NUP37: variants seen among roughly 807,000 people sequenced by gnomAD.
NUP37 encodes the protein nucleoporin Nup37.
Under a neutral mutation model 45.4 loss-of-function variants are expected in NUP37, and 33 were observed. The observed-to-expected ratio is 0.73, with a 90% CI of 0.55 to 0.97. NUP37 has a LOEUF of 0.97. Ranked by LOEUF, NUP37 falls within the 50% of genes least tolerant of loss-of-function variation. The pLI is 0.00. For missense variants in NUP37, 365 were observed against 389.7 expected (o/e 0.94, Z 0.53); for synonymous variants, 127 against 130.7 (o/e 0.97, Z 0.19).
intron 1 of NUP37, 58 bp from the exon 2 acceptor site, chr12:102,118,641 T>C (rs1273793061): frequency 7.6e-6 from 6 of 787,916 alleles, no homozygotes; most frequent in Admixed American, 3.1e-5. Flanking sequence ...ATTCAGCAAA[T>C]GCATCAAAAT....
At chr12:102,079,858 G>A (rs1262482712) in intron 6 of NUP37, among the ~76,000 whole-genome samples, 1 of 152,166 alleles carries the variant, frequency 6.6e-6, no homozygotes, top group Non-Finnish European at 1.5e-5. Context: ...AGTTCACCTT[G>A]TTCAATTTTA....
rs1334556639 is a variant in NUP37 at position 102,074,064 on chromosome 12, T to C, written c.*290A>G. Reference sequence around the variant, plus strand: ...GGATACACTTCAAATACTCCTTTTTTGATAAACTCAAAAGCATTATTTTTC... The same window carrying C: ...GGATACACTTCAAATACTCCTTTTTCGATAAACTCAAAAGCATTATTTTTC... On this transcript the variant is annotated 3_prime_UTR_variant, in exon 10 of 10. Transcript: ENST00000552283. The C allele has an allele frequency of 1.7e-5, 3 of 177,486 alleles. No homozygotes were observed. In the Admixed American group the frequency reaches 1.8e-4, roughly 11 times the overall value. The allele number at this position is 177,486 out of a possible 1,614,324, so 11.0% of individuals were successfully genotyped here. A position where few individuals can be genotyped will look rare whatever the true frequency, so the allele number is the denominator to read the frequency against.
intron 5 of NUP37, among the ~76,000 whole-genome samples, chr12:102,091,113 C>A (rs1008934508): frequency 6.6e-6 from 1 of 152,082 alleles, no homozygotes; most frequent in Non-Finnish European, 1.5e-5. Context: ...AAGCTCACAG[C>A]CGGCCAGGCA....
At chr12:102,081,218 A>G (rs1879322995) in intron 6 of NUP37, among the ~76,000 whole-genome samples, 1 of 152,220 alleles carries the variant, frequency 6.6e-6, no homozygotes, top group Non-Finnish European at 1.5e-5. Context: ...CTCAAAAAAC[A>G]TTGGCTATTA....
At chr12:102,100,229 G>A (rs1298765904) in intron 4 of NUP37, among the ~76,000 whole-genome samples, 5 of 152,076 alleles carry the variant, frequency 3.3e-5, no homozygotes, top group African/African-American at 1.2e-4. Context: ...AGTACATTAA[G>A]CCCACTGTAA....
chr12:102,115,882 T>G (rs915991831), intron 2 of NUP37: 13 of 753,832 alleles, frequency 1.7e-5, no homozygotes, highest in Non-Finnish European at 2.1e-5. Flanking sequence ...AACAGAATAG[T>G]AATGTTTAAC....
At chr12:102,076,942 T>C in intron 7 of NUP37, 95 bp from the exon 8 acceptor site, 1 of 823,934 alleles carries the variant, frequency 1.2e-6, no homozygotes, top group South Asian at 1.6e-5. Context: ...TAGGACAGAA[T>C]GTCCAATGTG....
chr12:102,097,908 T>C (rs1321724950), intron 5 of NUP37, among the ~76,000 whole-genome samples: 3 of 152,184 alleles, frequency 2.0e-5, no homozygotes, highest in Non-Finnish European at 4.4e-5. Context: ...TAAAGAATAA[T>C]GGCCTATGAC....
At chr12:102,083,184 T>A (rs1879375843) in intron 6 of NUP37, among the ~76,000 whole-genome samples, 1 of 152,260 alleles carries the variant, frequency 6.6e-6, no homozygotes, top group Non-Finnish European at 1.5e-5. Flanking sequence ...TCATTTGTCA[T>A]GCAGGTCATA....
intron 3 of NUP37, among the ~76,000 whole-genome samples, chr12:102,108,920 A>G (rs1565836298): frequency 6.6e-6 from 1 of 152,214 alleles, no homozygotes; most frequent in Admixed American, 6.5e-5. Flanking sequence ...CCCAACTAAA[A>G]GGGTTTGTAA....
At chr12:102,085,985 T>C (rs1330500248) in intron 5 of NUP37, 129 bp from the exon 6 acceptor site, 7 of 431,368 alleles carry the variant, frequency 1.6e-5, no homozygotes, top group Non-Finnish European at 2.1e-5. Flanking sequence ...TTAATGTATA[T>C]CTTTTTAAAG....
chr12:102,088,502 A>G (rs1785663562), intron 5 of NUP37, among the ~76,000 whole-genome samples: 1 of 152,126 alleles, frequency 6.6e-6, no homozygotes, highest in Non-Finnish European at 1.5e-5. Flanking sequence ...ATACTTCCTT[A>G]CTGTCTCACA....
intron 5 of NUP37, among the ~76,000 whole-genome samples, chr12:102,095,715 T>C (rs568959319): frequency 2.0e-5 from 3 of 152,136 alleles, no homozygotes; most frequent in Non-Finnish European, 4.4e-5. Context: ...TTTTTCAACT[T>C]GACATCCTAT....
intron 2 of NUP37, among the ~76,000 whole-genome samples, chr12:102,112,841 C>A (rs1361536451): frequency 1.3e-5 from 2 of 152,074 alleles, no homozygotes; most frequent in East Asian, 3.8e-4. Flanking sequence ...TTACATGTGG[C>A]ATTATATGTG....
intron 1 of NUP37, chr12:102,118,987 G>A (rs544867118): frequency 6.5e-6 from 1 of 152,862 alleles, no homozygotes; most frequent in African/African-American, 2.4e-5. Flanking sequence ...TCTAAAGGCA[G>A]GTACTACCTC....
At chr12:102,091,815 G>C (rs949309163) in intron 5 of NUP37, among the ~76,000 whole-genome samples, 14 of 152,158 alleles carry the variant, frequency 9.2e-5, no homozygotes, top group Admixed American at 2.0e-4. Context: ...CTTAGATTTA[G>C]CTGTGATGAT....
At chr12:102,084,913 C>G (rs994983816) in intron 6 of NUP37, among the ~76,000 whole-genome samples, 2 of 152,184 alleles carry the variant, frequency 1.3e-5, no homozygotes, top group Admixed American at 6.5e-5. Context: ...TGGCTCCTAA[C>G]TTTCCAATGA....
At chr12:102,100,851 GTTC>G (rs1879949168) in intron 4 of NUP37, among the ~76,000 whole-genome samples, 178 bp downstream of exon 4, 1 of 152,104 alleles carries the variant, frequency 6.6e-6, no homozygotes, top group South Asian at 2.1e-4. Flanking sequence ...TAAGAACTTA[GTTC>G]TTAATAATAT....
At chr12:102,078,501 TTA>T (rs1387891551) in intron 6 of NUP37, among the ~76,000 whole-genome samples, 16 of 152,208 alleles carry the variant, frequency 1.1e-4, no homozygotes, top group Non-Finnish European at 5.9e-5. Flanking sequence ...AGACAGACAT[TTA>T]TGTGTTACAC....
Sources: allele counts gnomAD v4.1 joint callset (sites outside exome capture counted in the v4.1 genomes callset), GRCh38; gene constraint gnomAD v4.1.1; transcripts MANE v1.5; gene names NCBI Gene and HGNC (gene_info 2026-07-23, HGNC 2026-07-21).